The following ABCA13 variants were observed in gnomAD, a reference collection of about 807,000 sequenced individuals.
ABCA13 encodes the protein ATP binding cassette subfamily A member 13, also known as ATP-binding cassette sub-family A member 13.
ABCA13 carries 476 observed loss-of-function variants against 478.7 expected under a neutral mutation model. That is an observed-to-expected ratio of 0.99 (90% CI 0.92 to 1.07). The LOEUF (loss-of-function observed/expected upper bound fraction) is 1.07, where lower values mean the gene tolerates loss of function less well. Ranked by LOEUF, ABCA13 falls within the 50% of genes least tolerant of loss-of-function variation. ABCA13 has a pLI of 0.00. For synonymous variants in ABCA13, 2,252 were observed against 2,158.9 expected (o/e 1.04, Z -1.20); for missense variants, 6,060 against 5,910.6 (o/e 1.03, Z -0.83).
At chr7:48,210,389 G>A (rs994663935) in intron 3 of ABCA13, among the ~76,000 whole-genome samples, 1 of 152,054 alleles carries the variant, frequency 6.6e-6, no homozygotes, top group Non-Finnish European at 1.5e-5. Flanking sequence ...TTTGGGTGGG[G>A]ACATGGCCAA....
At chr7:48,180,116 A>G (rs1795462411) in intron 1 of ABCA13, among the ~76,000 whole-genome samples, 1 of 152,122 alleles carries the variant, frequency 6.6e-6, no homozygotes, top group African/African-American at 2.4e-5. Flanking sequence ...TCTGATGAAG[A>G]CTGGTGTGGG....
At chr7:48,395,086 G>C (rs1816652678) in intron 38 of ABCA13, among the ~76,000 whole-genome samples, 1 of 152,204 alleles carries the variant, frequency 6.6e-6, no homozygotes, top group Non-Finnish European at 1.5e-5. Flanking sequence ...TCTCTTGCAG[G>C]CCTGTGCACA....
chr7:48,271,591 AAAT>A (rs1455714790), intron 16 of ABCA13, among the ~76,000 whole-genome samples, 193 bp from the exon 17 acceptor site: 1 of 152,196 alleles, frequency 6.6e-6, no homozygotes, highest in African/African-American at 2.4e-5. Context: ...ATTTTAAGCT[AAAT>A]ATATATAACT....
chr7:48,526,524 G>A (rs1832900824), intron 54 of ABCA13, among the ~76,000 whole-genome samples: 1 of 152,114 alleles, frequency 6.6e-6, no homozygotes, highest in Non-Finnish European at 1.5e-5. Flanking sequence ...TTTAACAATG[G>A]GGATATTGTC....
At chr7:48,400,964 A>G (rs1213166146) in intron 38 of ABCA13, among the ~76,000 whole-genome samples, 3 of 152,258 alleles carry the variant, frequency 2.0e-5, no homozygotes, top group African/African-American at 7.2e-5. Context: ...GGGAAGCCCC[A>G]GTCCATGTGG....
At chr7:48,443,823 G>A (rs948626421) in intron 42 of ABCA13, among the ~76,000 whole-genome samples, 7 of 152,222 alleles carry the variant, frequency 4.6e-5, no homozygotes, top group African/African-American at 1.7e-4. Flanking sequence ...AAATAAGAGT[G>A]AATAAATCCA....
At chr7:48,555,179 A>G (rs1389344115) in intron 55 of ABCA13, among the ~76,000 whole-genome samples, 1 of 151,936 alleles carries the variant, frequency 6.6e-6, no homozygotes, top group African/African-American at 2.4e-5. Context: ...CCCTAGGATA[A>G]ATTTCACTTG....
rs1461153890 is a variant in ABCA13, at chr7:48,363,108, T to C, written c.10689-4686T>C. ...CAGCCCTTTCACTGTAATTTACCAG[T>C]CATCATTTGGCGGGATGAAGTTTGC... is the stretch of plus-strand genomic sequence containing the variant. On this transcript the variant is annotated intron_variant, in intron 31 of 61. Transcript: ENST00000435803. Among the ~76,000 whole-genome samples, 5 of 152,174 alleles carry C rather than the reference T, an allele frequency of 3.3e-5. No individual in the cohort carries two copies. The East Asian group carries it at 9.6e-4, about 29-fold the overall frequency.
intron 3 of ABCA13, among the ~76,000 whole-genome samples, chr7:48,213,423 A>G (rs372389327): frequency 1.3e-5 from 2 of 152,356 alleles, no homozygotes; most frequent in African/African-American, 4.8e-5. Flanking sequence ...CATAACTTAA[A>G]TAAAGGAACA....
intron 31 of ABCA13, among the ~76,000 whole-genome samples, chr7:48,366,834 C>G (rs1811747371): frequency 6.6e-6 from 1 of 152,230 alleles, no homozygotes; most frequent in South Asian, 2.1e-4. Context: ...AATTAAATGT[C>G]AACATGAGTT....
Position 48,580,116 on chromosome 7 carries a change from T to C in ABCA13, c.14355-108T>C, listed in dbSNP as rs1023539886. 6 of 1,201,436 alleles carry C rather than the reference T, an allele frequency of 5.0e-6. No individual in the cohort carries two copies. The Admixed American group carries it at 1.7e-4, about 35-fold the overall frequency. 74.4% of individuals were successfully genotyped at this position (1,201,436 alleles called of 1,614,324 possible). A position where few individuals can be genotyped will look rare whatever the true frequency, so the allele number is the denominator to read the frequency against. ...CTATTATTGTGAAATGAACTAATTG[T>C]TTTAAATAAACTGCAGTGGACTTGT... On this transcript the variant is annotated intron_variant, in intron 55 of 61. Coordinates refer to ENST00000435803, the MANE Select transcript of ABCA13 (RefSeq NM_152701.5).
At chr7:48,369,946 A>G (rs1257265856) in intron 32 of ABCA13, among the ~76,000 whole-genome samples, 4 of 151,546 alleles carry the variant, frequency 2.6e-5, no homozygotes, top group Non-Finnish European at 4.4e-5. Flanking sequence ...TGGTGTTTTG[A>G]TGGGAATTGC....
chr7:48,446,395 A>G (rs905793606), intron 42 of ABCA13, among the ~76,000 whole-genome samples: 2 of 151,714 alleles, frequency 1.3e-5, no homozygotes, highest in African/African-American at 4.8e-5. Context: ...TTTAAAAAAA[A>G]AAAAAAAAAA....
chr7:48,485,513 AAC>A (rs1175309949), intron 47 of ABCA13, among the ~76,000 whole-genome samples: 8 of 152,220 alleles, frequency 5.3e-5, no homozygotes, highest in Non-Finnish European at 8.8e-5. Context: ...CCTGAATGGT[AAC>A]TTTAAGATCA....
chr7:48,516,724 G>C lies in ABCA13; in HGVS notation c.13641-1G>C. The C allele has an allele frequency of 6.2e-7, 1 of 1,613,176 alleles. No individual in the cohort carries two copies. ...ACATTACTTTTCACTTTACTTTTCA[G>C]ATATGCAACTCTTCCATGGATGTAC... On this transcript the variant is annotated splice_acceptor_variant, in intron 51 of 61. Coordinates refer to ENST00000435803, the MANE Select transcript of ABCA13 (RefSeq NM_152701.5). LOFTEE classifies it high-confidence loss of function.
intron 55 of ABCA13, among the ~76,000 whole-genome samples, chr7:48,556,333 C>T (rs1785823815): frequency 6.6e-6 from 1 of 151,898 alleles, no homozygotes; most frequent in Non-Finnish European, 1.5e-5. Flanking sequence ...TTCTATAGTA[C>T]AGATTAAGTC....
At chr7:48,622,493 G>C (rs1039523802) in intron 59 of ABCA13, among the ~76,000 whole-genome samples, 9 of 152,124 alleles carry the variant, frequency 5.9e-5, no homozygotes, top group African/African-American at 2.2e-4. Context: ...TCTGTAGAGT[G>C]TGTCCTAACG....
chr7:48,486,450 A>G (rs1829308413), intron 47 of ABCA13, among the ~76,000 whole-genome samples: 1 of 152,096 alleles, frequency 6.6e-6, no homozygotes. Flanking sequence ...CCCTTTTTTC[A>G]ATTATTTATA....
chr7:48,410,114 A>T (rs1018898383), intron 39 of ABCA13, among the ~76,000 whole-genome samples: 1 of 144,790 alleles, frequency 6.9e-6, no homozygotes. Context: ...AAAAAAAAGG[A>T]TGAGGAAGAG....
Sources: allele counts gnomAD v4.1 joint callset (sites outside exome capture counted in the v4.1 genomes callset), GRCh38; gene constraint gnomAD v4.1.1; transcripts MANE v1.5; gene names NCBI Gene and HGNC (gene_info 2026-07-23, HGNC 2026-07-21).